Variants in LRBA observed in about 807,000 individuals in gnomAD.
The protein encoded by LRBA is LPS responsive beige-like anchor protein, also known as lipopolysaccharide-responsive and beige-like anchor protein.
A neutral mutation model predicts 330.0 loss-of-function variants in LRBA; 176 were observed. The ratio of observed to expected loss-of-function variants is 0.53; its 90% CI spans 0.47 to 0.60. LRBA has a LOEUF of 0.60. LRBA is among the 20% of genes least tolerant of loss of function. LRBA has a pLI of 0.00. For missense variants in LRBA, 3,259 were observed against 3,444.8 expected (o/e 0.95, Z 1.35); for synonymous variants, 1,230 against 1,193.0 (o/e 1.03, Z -0.64).
chr4:150,940,598 T>C (rs1735562187), intron 2 of LRBA, among the ~76,000 whole-genome samples: 1 of 152,326 alleles, frequency 6.6e-6, no homozygotes, highest in East Asian at 1.9e-4. Flanking sequence ...TACTTTTATA[T>C]ATTTTACACA....
chr4:150,404,048 C>G (rs1478511389), intron 47 of LRBA, among the ~76,000 whole-genome samples: 1 of 151,946 alleles, frequency 6.6e-6, no homozygotes, highest in Non-Finnish European at 1.5e-5. Flanking sequence ...AAACACCACC[C>G]AAACCAGAAG....
At chr4:150,647,786 A>ATTTT (rs1390994180) in intron 37 of LRBA, among the ~76,000 whole-genome samples, 5 of 152,024 alleles carry the variant, frequency 3.3e-5, no homozygotes, top group Non-Finnish European at 5.9e-5. Context: ...CTAACTAAAA[A>ATTTT]GTTAGTCATT....
At chr4:150,825,965 G>C (rs925800453) in intron 30 of LRBA, among the ~76,000 whole-genome samples, 2 of 151,724 alleles carry the variant, frequency 1.3e-5, no homozygotes, top group Admixed American at 1.3e-4. Context: ...GACACCAGGA[G>C]GCAAAAAAAC....
intron 26 of LRBA, among the ~76,000 whole-genome samples, chr4:150,845,962 A>G (rs1749786035): frequency 6.6e-6 from 1 of 152,208 alleles, no homozygotes; most frequent in South Asian, 2.1e-4. Flanking sequence ...CTGTCATCCT[A>G]ACTTCTAACT....
intron 48 of LRBA, among the ~76,000 whole-genome samples, chr4:150,347,883 C>T (rs1214094048): frequency 6.6e-6 from 1 of 152,118 alleles, no homozygotes; most frequent in African/African-American, 2.4e-5. Context: ...ATATGCTGAA[C>T]TCAGAGTAAG....
At chr4:150,457,396 T>C (rs1426775990) in intron 44 of LRBA, among the ~76,000 whole-genome samples, 1 of 152,030 alleles carries the variant, frequency 6.6e-6, no homozygotes, top group Non-Finnish European at 1.5e-5. Flanking sequence ...AGACAAAAGA[T>C]GCCCAGCAAA....
At chr4:150,748,214 A>T (rs2052461366) in intron 35 of LRBA, among the ~76,000 whole-genome samples, 1 of 152,184 alleles carries the variant, frequency 6.6e-6, no homozygotes, top group Admixed American at 6.5e-5. Context: ...CATTGCTACC[A>T]CATCATTCTA....
At chr4:150,399,526 G>A (rs545511781) in intron 47 of LRBA, among the ~76,000 whole-genome samples, 14 of 152,152 alleles carry the variant, frequency 9.2e-5, no homozygotes, top group Non-Finnish European at 1.6e-4. Context: ...GTCCTCAAGC[G>A]GCTCAACATC....
chr4:150,520,878 C>T lies in LRBA; in HGVS notation c.6331-29843G>A, dbSNP rs530263707. Among the ~76,000 whole-genome samples, 7 of 152,170 alleles carry T rather than the reference C, an allele frequency of 4.6e-5. No individual in the cohort carries two copies. In the South Asian group the frequency reaches 1.2e-3, roughly 27 times the overall value. ...TATACCTATTGTATACTATCTTGTA[C>T]TTGGGTGACATAATAATATGTACAC... On this transcript the variant is annotated intron_variant, in intron 40 of 56. Transcript: ENST00000651943.
At chr4:150,441,433 A>T (rs996413480) in intron 44 of LRBA, among the ~76,000 whole-genome samples, 7 of 152,064 alleles carry the variant, frequency 4.6e-5, no homozygotes, top group African/African-American at 1.7e-4. Flanking sequence ...ACTTATAATC[A>T]CCTCCTACTA....
chr4:150,346,871 C>T (rs948982195), intron 48 of LRBA, among the ~76,000 whole-genome samples: 9 of 150,018 alleles, frequency 6.0e-5, no homozygotes, highest in Non-Finnish European at 1.2e-4. Context: ...GGTGTATATC[C>T]AAAAGAATTG....
At chr4:150,489,514 A>ATATT (rs1262505873) in intron 41 of LRBA, among the ~76,000 whole-genome samples, 9 of 34,542 alleles carry the variant, frequency 2.6e-4, no homozygotes, top group Admixed American at 5.2e-4. Context: ...AAGAATATAT[A>ATATT]ATATATAAGA....
intron 30 of LRBA, among the ~76,000 whole-genome samples, chr4:150,818,853 A>G (rs1421685046): frequency 6.6e-6 from 1 of 152,110 alleles, no homozygotes; most frequent in Non-Finnish European, 1.5e-5. Context: ...TGCTTTTTCT[A>G]TAATCAAAAT....
In LRBA at chr4:150,350,046, C is replaced by G; in HGVS notation, c.7308G>C (p.Leu2436Phe). 3.7e-6 allele frequency: 6 copies of G among 1,613,818 alleles called. No individual in the cohort carries two copies. Among genetic ancestry groups the G allele is most frequent in the Non-Finnish European group, 5.1e-6 (6 of 1,179,868 alleles). Residue 2436 changes from leucine to phenylalanine, a missense_variant, in exon 48 of 57, where the codon TTG becomes TTC. Leu to Phe is a conservative substitution (Grantham distance 22). Coordinates refer to ENST00000651943, the MANE Select transcript of LRBA (RefSeq NM_001364905.1). Reference protein sequence around the residue: ...AVRALNVFYYLTYEGAVNLNS... With the variant: ...AVRALNVFYYFTYEGAVNLNS... ...TCAGATTGACAGCTCCTTCATAGGT[C>G]AAGTAATAGAACACATTGAGGGCTC...
chr4:150,318,638 T>C (rs952443762), intron 50 of LRBA, among the ~76,000 whole-genome samples: 1 of 152,190 alleles, frequency 6.6e-6, no homozygotes, highest in African/African-American at 2.4e-5. Context: ...ATATTCTTAG[T>C]TGCAGGTGCA....
At chr4:150,422,743 G>T in intron 46 of LRBA, 1 of 1,075,444 alleles carries the variant, frequency 9.3e-7, no homozygotes. Context: ...GGCCCAAAGG[G>T]CTTCTTCATG....
At chr4:150,415,648 T>A in intron 46 of LRBA, 58 bp from the exon 47 acceptor site, 2 of 1,017,768 alleles carry the variant, frequency 2.0e-6, no homozygotes, top group African/African-American at 1.6e-5. Flanking sequence ...GACTAGATAT[T>A]CAAAAAAAGG....
intron 28 of LRBA, among the ~76,000 whole-genome samples, chr4:150,833,948 T>C (rs1362589469): frequency 1.3e-5 from 2 of 152,216 alleles, no homozygotes; most frequent in Non-Finnish European, 2.9e-5. Flanking sequence ...TCACAGTATC[T>C]TCATCATGAA....
chr4:150,808,256 C>A, intron 32 of LRBA, 64 bp downstream of exon 32: 2 of 1,016,284 alleles, frequency 2.0e-6, no homozygotes, highest in Non-Finnish European at 3.0e-6. Flanking sequence ...TAAAATAAAC[C>A]TAGATAGCTT....
Sources: allele counts gnomAD v4.1 joint callset (sites outside exome capture counted in the v4.1 genomes callset), GRCh38; gene constraint gnomAD v4.1.1; transcripts MANE v1.5; gene names NCBI Gene and HGNC (gene_info 2026-07-23, HGNC 2026-07-21).